The following INTS10 variants were observed in gnomAD, a reference collection of about 807,000 sequenced individuals.
INTS10 encodes integrator complex subunit 10.
INTS10 carries 44 observed loss-of-function variants against 94.4 expected under a neutral mutation model. The observed-to-expected ratio is 0.47, with a 90% CI of 0.37 to 0.60. INTS10 has a LOEUF of 0.60. Among genes scored for constraint, INTS10 ranks in the 20% least tolerant of loss-of-function variants. The probability of loss-of-function intolerance (pLI) is 0.00; values close to 1 mark genes in which losing one functional copy is unlikely to be tolerated. For synonymous variants in INTS10, 341 were observed against 320.7 expected, an observed-to-expected ratio of 1.06 and a Z score of -0.68; for missense variants, 797 against 868.7, an observed-to-expected ratio of 0.92 and a Z score of 1.04.
rs780431551 is a variant in INTS10 at position 19,844,090 on chromosome 8, A to C, written c.1734A>C (p.Thr578=). 1 of 1,600,888 alleles carries C rather than the reference A, an allele frequency of 6.2e-7. No homozygotes were observed. ...TTGTCTTGCAGCTTAGAGCTTTCAC[A>C]GACAACAGAGACGACATGGCATTGG... ...MLACFKLRAF[T]DNRDDMALGH... The change falls in exon 15 of 17, where the codon ACA becomes ACC. Residue 578 remains threonine (T), a synonymous_variant. Coordinates refer to ENST00000397977, the MANE Select transcript of INTS10 (RefSeq NM_018142.4).
chr8:19,820,679 C>G (rs2066301349), intron 4 of INTS10, among the ~76,000 whole-genome samples, 161 bp downstream of exon 4: 1 of 152,184 alleles, frequency 6.6e-6, no homozygotes, highest in Admixed American at 6.5e-5. Context: ...AAAGGACATT[C>G]TTTTCACCAT....
Position 19,846,525 on chromosome 8 carries a change from T to C in INTS10, c.1976+728T>C, listed in dbSNP as rs1487126455. Among the ~76,000 whole-genome samples, 1 of 152,196 alleles carries C rather than the reference T, an allele frequency of 6.6e-6. No homozygotes were observed. On this transcript the variant is annotated intron_variant, in intron 16 of 16. Coordinates refer to ENST00000397977, the MANE Select transcript of INTS10 (RefSeq NM_018142.4). The surrounding 1 kb of genome is among the most constrained non-coding windows in gnomAD (Gnocchi z 4.2). ...TTAGGAAAAACTACAGACTTTTTAT[T>C]TATAAACTACCTATGAAGCCCTCCT...
chr8:19,845,476 G>A (rs1429224082), intron 15 of INTS10: 2 of 542,232 alleles, frequency 3.7e-6, no homozygotes, highest in Non-Finnish European at 3.3e-6. Context: ...ATAAGAATCA[G>A]GTTTTGGCAT....
At chr8:19,821,303 G>A (rs1462350900) in intron 4 of INTS10, 1 of 152,164 alleles carries the variant, frequency 6.6e-6, no homozygotes, top group Non-Finnish European at 1.5e-5. Context: ...AGGTTCTGGG[G>A]AAGAATCTTT....
chr8:19,830,919 A>C (rs1038542335), intron 10 of INTS10, among the ~76,000 whole-genome samples: 7 of 152,124 alleles, frequency 4.6e-5, no homozygotes, highest in Non-Finnish European at 5.9e-5. Flanking sequence ...TGATCCGCCC[A>C]CCTTGGCCTC....
rs138818855 is a variant in INTS10, at chr8:19,818,874, C to T, written c.197+532C>T. Reference sequence around the variant, plus strand: ...ATGCCTGTGTAGTATTTCGTAGACACTCTCTTCTTGGTAGACATTTAAATA... The same window carrying T: ...ATGCCTGTGTAGTATTTCGTAGACATTCTCTTCTTGGTAGACATTTAAATA... On this transcript the variant is annotated intron_variant, in intron 2 of 16. Coordinates refer to ENST00000397977, the MANE Select transcript of INTS10 (RefSeq NM_018142.4). The T allele has an allele frequency of 5.3e-3, 809 of 152,722 alleles. 9 individuals are homozygous for T. Among genetic ancestry groups the T allele is most frequent in the South Asian group, 0.039 (190 of 4,876 alleles). 9.5% of individuals were successfully genotyped at this position (152,722 alleles called of 1,614,324 possible).
intron 12 of INTS10, among the ~76,000 whole-genome samples, chr8:19,835,285 A>C (rs1216230871): frequency 2.0e-5 from 3 of 152,114 alleles, no homozygotes; most frequent in Non-Finnish European, 4.4e-5. Flanking sequence ...TGCTTTCTAA[A>C]ATACTGCTTT....
chr8:19,826,840 G>A (rs2066835963), intron 9 of INTS10, among the ~76,000 whole-genome samples: 1 of 152,190 alleles, frequency 6.6e-6, no homozygotes, highest in Admixed American at 6.5e-5. Context: ...CAAAAGGTCA[G>A]TGATGAGGTG....
chr8:19,831,442 T>C (rs1315383282), intron 10 of INTS10, among the ~76,000 whole-genome samples: 1 of 152,076 alleles, frequency 6.6e-6, no homozygotes, highest in African/African-American at 2.4e-5. Flanking sequence ...TCCCAGTGCT[T>C]TGGGAAGCTG....
chr8:19,820,480 C>A lies in INTS10; in HGVS notation c.403C>A (p.Leu135Ile). 4.3e-6 allele frequency: 7 copies of A among 1,612,852 alleles called. No homozygotes were observed. Among genetic ancestry groups the A allele is most frequent in the Non-Finnish European group, 5.9e-6 (7 of 1,179,064 alleles). Residue 135 changes from leucine (L) to isoleucine (I), a missense_variant, in exon 4 of 17, where the codon CTT becomes ATT. By Grantham distance (5) the Leu-to-Ile change is conservative. Around this residue, in one of 3 missense-constraint regions of INTS10, gnomAD observed 734 missense variants for 787.8 expected, o/e 0.93. Coordinates refer to ENST00000397977, the MANE Select transcript of INTS10 (RefSeq NM_018142.4). ...AGAACGATCAGAAATGTTGCTTCTA[C>A]TTTTGAGGCGCTTCCCTGAAACGGT... Reference protein sequence around the residue: ...TLERSEMLLLLLRRFPETVVQ... With the variant: ...TLERSEMLLLILRRFPETVVQ...
chr8:19,843,930 G>T lies in INTS10; in HGVS notation c.1720-146G>T. The T allele has an allele frequency of 1.7e-6, 1 of 579,480 alleles. No individual in the cohort carries two copies. The highest frequency in any genetic ancestry group is 2.9e-6 in the Non-Finnish European group (1 of 341,708). 35.9% of individuals were successfully genotyped at this position (579,480 alleles called of 1,614,324 possible). A position where few individuals can be genotyped will look rare whatever the true frequency, so the allele number is the denominator to read the frequency against. On this transcript the variant is annotated intron_variant, in intron 14 of 16. Transcript: ENST00000397977. This position sits in a 1 kb window ranked among gnomAD's most constrained non-coding sequence, Gnocchi z 4.7. ...AGCTGTGATGTTTACCAGCCATTTC[G>T]TTGTGCCTTTGTTTCCTTCTTACTC...
Position 19,826,417 on chromosome 8 carries a change from C to A in INTS10, c.1007-9C>A, listed in dbSNP as rs769937526. ...ACTGGTAAGTGTTGGTGTTTTTCCC[C>A]GTCCTTAGGTCCTAATGCCCCGAGC... On this transcript the variant is annotated splice_polypyrimidine_tract_variant and intron_variant, in intron 8 of 16. Coordinates refer to ENST00000397977, the MANE Select transcript of INTS10 (RefSeq NM_018142.4). 13 of 1,601,802 alleles carry A rather than the reference C, an allele frequency of 8.1e-6. No individual in the cohort carries two copies. The highest frequency in any genetic ancestry group is 1.1e-5 in the Non-Finnish European group (13 of 1,175,756).
chr8:19,824,562 G>C, intron 7 of INTS10: 1 of 404,330 alleles, frequency 2.5e-6, no homozygotes, highest in African/African-American at 2.1e-5. Context: ...TGTTGTGTTT[G>C]AACGTCTCCT....
intron 4 of INTS10, 61 bp from the exon 5 acceptor site, chr8:19,822,378 C>A: frequency 1.1e-6 from 1 of 943,388 alleles, no homozygotes; most frequent in South Asian, 1.5e-5. Flanking sequence ...CCCATTACTT[C>A]ATATAGTTCT....
intron 1 of INTS10, 169 bp from the exon 2 acceptor site, chr8:19,818,106 C>T: frequency 1.5e-6 from 1 of 674,152 alleles, no homozygotes; most frequent in Non-Finnish European, 2.7e-6. Context: ...ACCCCAGGGT[C>T]ACACTCTAAG....
chr8:19,824,275 T>G (rs976708648), intron 7 of INTS10: 16 of 341,522 alleles, frequency 4.7e-5, no homozygotes, highest in African/African-American at 3.4e-4. Context: ...GCAGATCACT[T>G]GAGGTCAGGA....
chr8:19,823,786 C>T, intron 6 of INTS10, 87 bp from the exon 7 acceptor site: 1 of 1,197,706 alleles, frequency 8.3e-7, no homozygotes, highest in East Asian at 2.4e-5. Flanking sequence ...TGTGCATTTT[C>T]ATGGGGAGTC....
intron 9 of INTS10, 58 bp downstream of exon 9, chr8:19,826,617 A>G: frequency 6.7e-7 from 1 of 1,501,578 alleles, no homozygotes; most frequent in South Asian, 1.2e-5. Flanking sequence ...CTAGAGATGA[A>G]TCTTTGTAAA....
At chr8:19,837,863 C>G (rs914247868) in intron 13 of INTS10, among the ~76,000 whole-genome samples, 1 of 149,542 alleles carries the variant, frequency 6.7e-6, no homozygotes, top group Non-Finnish European at 1.5e-5. Flanking sequence ...CTAACAAGAT[C>G]GATAAGGAGG....
Sources: gnomAD v4.1 joint callset for allele counts (sites outside exome capture counted in the v4.1 genomes callset) on GRCh38, gnomAD v4.1.1 for gene constraint, gnomAD v4.1.1 regional missense constraint, Gnocchi (gnomAD v3.1) non-coding constraint, MANE v1.5 for transcripts, NCBI Gene and HGNC (gene_info 2026-07-23, HGNC 2026-07-21) for gene names.